PLA2G4A: variants seen among roughly 807,000 people sequenced by gnomAD.
PLA2G4A encodes the protein phospholipase A2 group IVA, also known as cytosolic phospholipase A2.
In PLA2G4A, 40 loss-of-function variants were observed where a neutral mutation model predicts 81.9. That is an observed-to-expected ratio of 0.49 (90% CI 0.38 to 0.64). The LOEUF (loss-of-function observed/expected upper bound fraction) is 0.64. Ranked by LOEUF, PLA2G4A falls within the 30% of genes least tolerant of loss-of-function variation. PLA2G4A has a pLI of 0.00. For missense variants in PLA2G4A, 715 were observed against 905.1 expected (o/e 0.79, Z 2.69); for synonymous variants, 302 against 296.9 (o/e 1.02, Z -0.18).
intron 2 of PLA2G4A, among the ~76,000 whole-genome samples, chr1:186,856,995 C>T (rs980842329): frequency 1.5e-5 from 2 of 136,154 alleles, no homozygotes; most frequent in Non-Finnish European, 3.2e-5. Flanking sequence ...ATGACTTTAA[C>T]TCTTCTACTT....
intron 3 of PLA2G4A, among the ~76,000 whole-genome samples, chr1:186,882,676 G>T (rs1329922377): frequency 2.0e-5 from 3 of 152,092 alleles, no homozygotes; most frequent in African/African-American, 7.2e-5. Context: ...AGGCAGTGAA[G>T]GTCAAAAGTG....
At chr1:186,882,076 C>A (rs1254206698) in intron 3 of PLA2G4A, among the ~76,000 whole-genome samples, 3 of 152,132 alleles carry the variant, frequency 2.0e-5, no homozygotes, top group African/African-American at 7.2e-5. Context: ...TCTGAATGAA[C>A]TTGCTCAGCT....
intron 5 of PLA2G4A, among the ~76,000 whole-genome samples, chr1:186,906,198 T>A (rs1444201603): frequency 6.6e-6 from 1 of 152,212 alleles, no homozygotes; most frequent in Non-Finnish European, 1.5e-5. Flanking sequence ...TACAATTACA[T>A]TTTTCATAGC....
intron 2 of PLA2G4A, among the ~76,000 whole-genome samples, chr1:186,857,300 T>C (rs1281350705): frequency 8.7e-6 from 1 of 114,514 alleles, no homozygotes; most frequent in Admixed American, 1.2e-4. Flanking sequence ...ATGTATATAT[T>C]ATATTTATAT....
intron 7 of PLA2G4A, among the ~76,000 whole-genome samples, chr1:186,924,101 C>G (rs1473666119): frequency 6.6e-6 from 1 of 152,220 alleles, no homozygotes; most frequent in Non-Finnish European, 1.5e-5. Flanking sequence ...CCCAATATAT[C>G]TATTATTCAG....
At chr1:186,966,682 C>G (rs1033111465) in intron 15 of PLA2G4A, among the ~76,000 whole-genome samples, 1 of 152,144 alleles carries the variant, frequency 6.6e-6, no homozygotes, top group African/African-American at 2.4e-5. Context: ...AATAAACACG[C>G]TTTGTTCCCT....
chr1:186,882,755 C>A (rs16826042), intron 3 of PLA2G4A, among the ~76,000 whole-genome samples: 1 of 151,818 alleles, frequency 6.6e-6, no homozygotes, highest in African/African-American at 2.4e-5. Context: ...AGAGATTATG[C>A]TAATAGTCTA....
Position 186,845,103 on chromosome 1 carries a change from G to A in PLA2G4A, c.-69-9183G>A, listed in dbSNP as rs141505837. ...TGGGTGCCTGTAGTCCATGCTAGTC[G>A]GGAGGCTGAGGCCCCAGAATTGCTT... On this transcript the variant is annotated intron_variant, in intron 1 of 17. Transcript: ENST00000367466. Among the ~76,000 whole-genome samples, 29 of 152,148 alleles carry A rather than the reference G, an allele frequency of 1.9e-4. 1 individual carries two copies. The South Asian group carries it at 5.4e-3, about 28-fold the overall frequency.
chr1:186,839,825 A>G (rs913327504), intron 1 of PLA2G4A, among the ~76,000 whole-genome samples: 12 of 152,266 alleles, frequency 7.9e-5, no homozygotes, highest in Admixed American at 7.9e-4. Context: ...AAAATTTTAC[A>G]TGAAACTTTG....
chr1:186,880,022 A>G (rs1476290327), intron 3 of PLA2G4A, among the ~76,000 whole-genome samples: 1 of 151,798 alleles, frequency 6.6e-6, no homozygotes, highest in Admixed American at 6.6e-5. Context: ...CTGTGTAAGA[A>G]CTTTGGTTAA....
At chr1:186,923,313 G>A (rs1655430188) in intron 7 of PLA2G4A, among the ~76,000 whole-genome samples, 1 of 152,164 alleles carries the variant, frequency 6.6e-6, no homozygotes, top group African/African-American at 2.4e-5. Context: ...TTTAGTGTGT[G>A]TATGTGTGTT....
intron 3 of PLA2G4A, among the ~76,000 whole-genome samples, chr1:186,886,495 G>A (rs1042999385): frequency 7.2e-5 from 11 of 152,174 alleles, no homozygotes; most frequent in African/African-American, 2.7e-4. Flanking sequence ...AATTAGCAAT[G>A]TTATTACATC....
At chr1:186,909,119 G>A (rs1262095381) in intron 6 of PLA2G4A, among the ~76,000 whole-genome samples, 10 of 150,376 alleles carry the variant, frequency 6.7e-5, no homozygotes, top group Non-Finnish European at 1.5e-4. Context: ...GACTACAGGC[G>A]CCAGCCACCA....
chr1:186,906,871 T>C (rs1654756242), intron 5 of PLA2G4A, 94 bp from the exon 6 acceptor site: 2 of 700,066 alleles, frequency 2.9e-6, no homozygotes, highest in East Asian at 5.2e-5. Context: ...TGATTAAAAA[T>C]AATCTGGCAC....
chr1:186,855,628 C>T (rs1357937448), intron 2 of PLA2G4A, among the ~76,000 whole-genome samples: 1 of 152,010 alleles, frequency 6.6e-6, no homozygotes, highest in Non-Finnish European at 1.5e-5. Flanking sequence ...CCTTCATATA[C>T]ATTTCTGCAT....
intron 3 of PLA2G4A, among the ~76,000 whole-genome samples, chr1:186,882,797 A>C (rs1039003112): frequency 3.3e-5 from 5 of 152,192 alleles, no homozygotes; most frequent in East Asian, 3.9e-4. Flanking sequence ...GAATCGGGGC[A>C]ATTATTTTGA....
intron 8 of PLA2G4A, among the ~76,000 whole-genome samples, chr1:186,936,295 G>A (rs764434337): frequency 9.2e-5 from 14 of 151,884 alleles, no homozygotes; most frequent in Non-Finnish European, 1.6e-4. Context: ...AACAGAAATT[G>A]TCACATAAGG....
chr1:186,965,080 G>A (rs1024505608), intron 14 of PLA2G4A, among the ~76,000 whole-genome samples: 2 of 152,210 alleles, frequency 1.3e-5, no homozygotes, highest in African/African-American at 2.4e-5. Context: ...AAAGACCTAC[G>A]TAATGTAAGA....
At chr1:186,975,041 G>C (rs1361186930) in intron 15 of PLA2G4A, among the ~76,000 whole-genome samples, 1 of 152,162 alleles carries the variant, frequency 6.6e-6, no homozygotes. Context: ...CTTGAGTCAT[G>C]TTTGTAAACA....
Sources: allele counts gnomAD v4.1 joint callset (sites outside exome capture counted in the v4.1 genomes callset), GRCh38; gene constraint gnomAD v4.1.1; transcripts MANE v1.5; gene names NCBI Gene and HGNC (gene_info 2026-07-23, HGNC 2026-07-21).